The following OPCML variants were observed in gnomAD, a reference collection of about 807,000 sequenced individuals.
The protein encoded by OPCML is opioid binding protein/cell adhesion molecule like, also known as opioid-binding protein/cell adhesion molecule.
Under a neutral mutation model 37.8 loss-of-function variants are expected in OPCML, and 13 were observed. The observed-to-expected ratio is 0.34, with a 90% CI of 0.22 to 0.55. OPCML has a LOEUF of 0.55. Among genes scored for constraint, OPCML ranks in the 20% least tolerant of loss-of-function variants. OPCML has a pLI of 0.91. For missense variants in OPCML, 341 were observed against 435.6 expected (o/e 0.78, Z 1.93); for synonymous variants, 176 against 168.8 (o/e 1.04, Z -0.33).
chr11:133,086,743 C>T (rs1285574993), intron 1 of OPCML, among the ~76,000 whole-genome samples: 3 of 152,172 alleles, frequency 2.0e-5, no homozygotes, highest in Admixed American at 2.0e-4. Context: ...TCCCCATCCC[C>T]CTACACTCGC....
chr11:132,992,227 A>G (rs531306716), intron 1 of OPCML, among the ~76,000 whole-genome samples: 20 of 152,264 alleles, frequency 1.3e-4, no homozygotes, highest in Non-Finnish European at 1.2e-4. Context: ...TCAGGTGTTT[A>G]GGCAACTGCT....
At chr11:132,540,603 C>T (rs1356179528) in intron 3 of OPCML, among the ~76,000 whole-genome samples, 3 of 152,114 alleles carry the variant, frequency 2.0e-5, no homozygotes, top group African/African-American at 7.2e-5. Context: ...TGCAGATAGA[C>T]CCAGTCCATT....
chr11:133,405,730 C>CA (rs111745169), intron 1 of OPCML, among the ~76,000 whole-genome samples: 40,571 of 151,940 alleles, frequency 0.27, 5,955 homozygotes, highest in African/African-American at 0.39. Context: ...TACCCTTCTA[C>CA]AAAAAATCTT....
At chr11:132,449,565 C>T (rs780757694) in intron 4 of OPCML, among the ~76,000 whole-genome samples, 1 of 152,150 alleles carries the variant, frequency 6.6e-6, no homozygotes, top group Non-Finnish European at 1.5e-5. Flanking sequence ...AGATACAGAG[C>T]AACCAGGAAA....
intron 1 of OPCML, among the ~76,000 whole-genome samples, chr11:133,494,635 A>G (rs1369614241): frequency 6.8e-6 from 1 of 146,708 alleles, no homozygotes; most frequent in Non-Finnish European, 1.5e-5. Context: ...AAAGCCAAAC[A>G]CTGCATGTTC....
intron 2 of OPCML, among the ~76,000 whole-genome samples, chr11:132,659,998 C>T (rs914118936): frequency 6.6e-6 from 1 of 151,944 alleles, no homozygotes; most frequent in Admixed American, 6.6e-5. Flanking sequence ...GACCATAAAA[C>T]TTTAAGCAAT....
chr11:132,805,159 A>G (rs1000694927), intron 2 of OPCML, among the ~76,000 whole-genome samples: 1 of 152,142 alleles, frequency 6.6e-6, no homozygotes, highest in African/African-American at 2.4e-5. Flanking sequence ...AACTGGATGG[A>G]CTCATTAGCA....
In OPCML at chr11:132,999,263, G is replaced by A. The variant is rs118029067; in HGVS notation, c.62-56253C>T. ...CTTTCAGATCTCACCCTCCCCAGGT[G>A]GCGAGACCCCCTCTCGCCCCAGCCC... On this transcript the variant is annotated intron_variant, in intron 1 of 7. Transcript: ENST00000524381. 5.5e-4 allele frequency among the ~76,000 whole-genome samples: 83 copies of A among 152,036 alleles called. 2 individuals are homozygous for A. In the East Asian group the frequency reaches 0.013, roughly 23 times the overall value.
At chr11:132,937,592 T>C (rs200740706) in intron 2 of OPCML, among the ~76,000 whole-genome samples, 1 of 86,790 alleles carries the variant, frequency 1.2e-5, no homozygotes, top group South Asian at 4.1e-4. Flanking sequence ...GTGGCGTGTG[T>C]GGGGTGTGTG....
At chr11:133,137,766 T>C (rs560834508) in intron 1 of OPCML, among the ~76,000 whole-genome samples, 1 of 152,284 alleles carries the variant, frequency 6.6e-6, no homozygotes, top group East Asian at 1.9e-4. Flanking sequence ...ATTCCTCCCC[T>C]TTCCATTTAG....
chr11:133,386,615 G>A (rs1345322418), intron 1 of OPCML, among the ~76,000 whole-genome samples: 1 of 152,206 alleles, frequency 6.6e-6, no homozygotes, highest in African/African-American at 2.4e-5. Flanking sequence ...ATAATTGGCA[G>A]GTTCAAAAAG....
intron 1 of OPCML, among the ~76,000 whole-genome samples, chr11:133,154,954 G>A (rs1005165979): frequency 6.6e-5 from 10 of 152,144 alleles, no homozygotes; most frequent in African/African-American, 2.4e-4. Context: ...CCAGAAGAGT[G>A]ATACAAGATG....
chr11:132,816,865 G>A (rs1939667757), intron 2 of OPCML, among the ~76,000 whole-genome samples: 2 of 152,190 alleles, frequency 1.3e-5, no homozygotes, highest in African/African-American at 4.8e-5. Context: ...TAAACAAGAA[G>A]AGCTTCAGTT....
At chr11:133,240,100 T>C (rs1940669062) in intron 1 of OPCML, among the ~76,000 whole-genome samples, 1 of 151,072 alleles carries the variant, frequency 6.6e-6, no homozygotes, top group African/African-American at 2.4e-5. Context: ...TACGTGCTGC[T>C]CAGGCCTCCC....
chr11:133,242,400 C>T (rs571103232), intron 1 of OPCML, among the ~76,000 whole-genome samples: 26 of 152,292 alleles, frequency 1.7e-4, no homozygotes, highest in African/African-American at 6.0e-4. Context: ...GCACCTCAGA[C>T]GGTGTGGCTT....
At chr11:132,652,121 T>C (rs1201848390) in intron 3 of OPCML, among the ~76,000 whole-genome samples, 1 of 151,982 alleles carries the variant, frequency 6.6e-6, no homozygotes, top group African/African-American at 2.4e-5. Context: ...CCACAGAGGG[T>C]CCAGGGTTTT....
intron 2 of OPCML, among the ~76,000 whole-genome samples, chr11:132,688,137 A>G (rs1043292251): frequency 2.6e-5 from 4 of 152,026 alleles, no homozygotes; most frequent in Non-Finnish European, 4.4e-5. Flanking sequence ...TACATTAATA[A>G]TAATTCCGGC....
intron 2 of OPCML, among the ~76,000 whole-genome samples, chr11:132,684,295 G>A (rs1257846670): frequency 6.6e-6 from 1 of 152,112 alleles, no homozygotes; most frequent in East Asian, 1.9e-4. Flanking sequence ...ACATCTTTGA[G>A]ATAGGCAACT....
intron 4 of OPCML, among the ~76,000 whole-genome samples, chr11:132,485,950 T>A (rs998172839): frequency 6.6e-6 from 1 of 152,174 alleles, no homozygotes; most frequent in African/African-American, 2.4e-5. Context: ...GTGGCTAGCC[T>A]CTGAAGAAAG....
Sources: gnomAD v4.1 joint callset for allele counts (sites outside exome capture counted in the v4.1 genomes callset) on GRCh38, gnomAD v4.1.1 for gene constraint, MANE v1.5 for transcripts, NCBI Gene and HGNC (gene_info 2026-07-23, HGNC 2026-07-21) for gene names.